The following CDH18 variants were observed in gnomAD, a reference collection of about 807,000 sequenced individuals.
The protein encoded by CDH18 is cadherin 18.
CDH18 carries 31 observed loss-of-function variants against 67.9 expected under a neutral mutation model. The ratio of observed to expected loss-of-function variants is 0.46; its 90% CI spans 0.34 to 0.62. CDH18 has a LOEUF of 0.62. Ranked by LOEUF, CDH18 falls within the 20% of genes least tolerant of loss-of-function variation. The pLI is 0.01. For synonymous variants in CDH18, 362 were observed against 347.2 expected (o/e 1.04, Z -0.48); for missense variants, 890 against 975.5 (o/e 0.91, Z 1.17).
At chr5:20,189,891 C>G (rs1436650506) in intron 2 of CDH18, among the ~76,000 whole-genome samples, 1 of 152,122 alleles carries the variant, frequency 6.6e-6, no homozygotes, top group African/African-American at 2.4e-5. Context: ...CTGAAGGTGG[C>G]CTGTGCAGAT....
At chr5:20,466,674 C>A (rs1239517626) in intron 1 of CDH18, among the ~76,000 whole-genome samples, 1 of 151,984 alleles carries the variant, frequency 6.6e-6, no homozygotes, top group Non-Finnish European at 1.5e-5. Context: ...ATTTTCACTG[C>A]AAGGAGTGTT....
chr5:19,716,152 T>C (rs1449760295), intron 5 of CDH18, among the ~76,000 whole-genome samples: 2 of 152,026 alleles, frequency 1.3e-5, no homozygotes, highest in Non-Finnish European at 2.9e-5. Flanking sequence ...ACAAGATAAC[T>C]TGAGTCCTAT....
intron 2 of CDH18, among the ~76,000 whole-genome samples, chr5:20,073,494 G>A (rs1362906733): frequency 6.6e-6 from 1 of 152,000 alleles, no homozygotes; most frequent in Non-Finnish European, 1.5e-5. Context: ...TGTTGGTACT[G>A]GGCCAGTGAA....
chr5:19,616,937 T>A (rs1580516938), intron 5 of CDH18, among the ~76,000 whole-genome samples: 1 of 152,146 alleles, frequency 6.6e-6, no homozygotes, highest in East Asian at 1.9e-4. Context: ...CTTTTTTAAA[T>A]TTTTTTGAGC....
At chr5:19,816,423 G>C (rs1382404126) in intron 3 of CDH18, among the ~76,000 whole-genome samples, 3 of 151,852 alleles carry the variant, frequency 2.0e-5, no homozygotes, top group Admixed American at 2.0e-4. Context: ...CTTAGCACTT[G>C]AAATTTATGA....
At chr5:19,683,669 A>C (rs1760655572) in intron 5 of CDH18, among the ~76,000 whole-genome samples, 1 of 152,044 alleles carries the variant, frequency 6.6e-6, no homozygotes, top group Non-Finnish European at 1.5e-5. Flanking sequence ...GTAGTTATTA[A>C]AATTATTTGA....
At chr5:19,811,685 G>A (rs549354936) in intron 3 of CDH18, among the ~76,000 whole-genome samples, 1 of 152,186 alleles carries the variant, frequency 6.6e-6, no homozygotes, top group South Asian at 2.1e-4. Flanking sequence ...GGGACATAGT[G>A]GTAATCCTGA....
At chr5:19,598,452 A>T (rs1746518779) in intron 6 of CDH18, among the ~76,000 whole-genome samples, 1 of 152,140 alleles carries the variant, frequency 6.6e-6, no homozygotes, top group Non-Finnish European at 1.5e-5. Flanking sequence ...TGGAAAATTT[A>T]AAATGTAGAA....
At chr5:19,486,742 G>A (rs991046132) in intron 11 of CDH18, among the ~76,000 whole-genome samples, 17 of 152,116 alleles carry the variant, frequency 1.1e-4, no homozygotes, top group African/African-American at 3.9e-4. Context: ...GCAGAGAGCC[G>A]AGATCACGCC....
chr5:19,955,815 AAC>A (rs1796206635), intron 2 of CDH18, among the ~76,000 whole-genome samples: 1 of 152,086 alleles, frequency 6.6e-6, no homozygotes, highest in African/African-American at 2.4e-5. Flanking sequence ...CAGGTGTGAA[AAC>A]AGATTTGTGG....
chr5:19,768,646 A>C (rs995476369), intron 3 of CDH18, among the ~76,000 whole-genome samples: 5 of 152,118 alleles, frequency 3.3e-5, no homozygotes, highest in African/African-American at 1.2e-4. Context: ...CTCACTGATA[A>C]TTAAGGCAAG....
intron 2 of CDH18, among the ~76,000 whole-genome samples, chr5:19,854,326 C>A (rs1281272947): frequency 6.6e-6 from 1 of 152,010 alleles, no homozygotes; most frequent in African/African-American, 2.4e-5. Flanking sequence ...ATACAACAGG[C>A]CAATCATTTT....
At chr5:19,690,252 A>ACAAAT (rs1358211024) in intron 5 of CDH18, among the ~76,000 whole-genome samples, 1 of 151,618 alleles carries the variant, frequency 6.6e-6, no homozygotes, top group Non-Finnish European at 1.5e-5. Context: ...TATTTTTGAA[A>ACAAAT]CAAATGAAAA....
chr5:20,109,182 T>C (rs1016137051), intron 2 of CDH18, among the ~76,000 whole-genome samples: 2 of 152,138 alleles, frequency 1.3e-5, no homozygotes, highest in Admixed American at 6.5e-5. Context: ...TCTTTTATGA[T>C]TGAAATGGGG....
At position 20,297,347 on chromosome 5, in the gene CDH18, T is replaced by C. The variant is rs142263396; in HGVS notation, c.-579-41842A>G. ...GACACATTGAGGCCAAGTCACTATC[T>C]AATGTCTTGCTGCAAGCAAGTGGGA... On this transcript the variant is annotated intron_variant, in intron 1 of 14. Coordinates refer to the CDH18 transcript ENST00000507958. Among the ~76,000 whole-genome samples the C allele has an allele frequency of 3.3e-3, 506 of 152,352 alleles. 15 individuals carry two copies. Among genetic ancestry groups the C allele is most frequent in the Admixed American group, 0.029 (449 of 15,302 alleles).
rs962537916 is a variant in CDH18, at chr5:19,861,202, T to C, written c.-256-21960A>G. On this transcript the variant is annotated intron_variant, in intron 2 of 12. Coordinates refer to ENST00000382275, the MANE Select transcript of CDH18 (RefSeq NM_004934.5). Reference sequence around the variant, plus strand: ...TTCAGTAGTAGTAATTGCCTCCCATTGGACAGAGAGAATATTTATATAAAT... The same window carrying C: ...TTCAGTAGTAGTAATTGCCTCCCATCGGACAGAGAGAATATTTATATAAAT... Among the ~76,000 whole-genome samples the C allele has an allele frequency of 1.3e-4, 20 of 152,264 alleles. No homozygotes were observed. The East Asian group carries it at 3.9e-3, about 29-fold the overall frequency.
At chr5:19,737,615 C>T (rs1260889572) in intron 4 of CDH18, among the ~76,000 whole-genome samples, 1 of 152,092 alleles carries the variant, frequency 6.6e-6, no homozygotes, top group Admixed American at 6.6e-5. Flanking sequence ...CAAAATTATG[C>T]CCCCCTACCA....
chr5:19,982,612 C>T (rs1799169803), intron 1 of CDH18, among the ~76,000 whole-genome samples: 1 of 152,158 alleles, frequency 6.6e-6, no homozygotes. Context: ...GGAAACTACA[C>T]TTTCCTATCT....
chr5:20,443,777 A>G (rs1749806706), intron 1 of CDH18, among the ~76,000 whole-genome samples: 1 of 151,898 alleles, frequency 6.6e-6, no homozygotes, highest in African/African-American at 2.4e-5. Context: ...TCTCTCATTG[A>G]CAAACTTGTT....
Sources: allele counts gnomAD v4.1 joint callset (sites outside exome capture counted in the v4.1 genomes callset), GRCh38; gene constraint gnomAD v4.1.1; transcripts MANE v1.5; gene names NCBI Gene and HGNC (gene_info 2026-07-23, HGNC 2026-07-21).